The following RIC3 variants were observed in gnomAD, a reference collection of about 807,000 sequenced individuals.
RIC3 encodes RIC3 acetylcholine receptor chaperone.
Under a neutral mutation model 27.3 loss-of-function variants are expected in RIC3, and 28 were observed. The ratio of observed to expected loss-of-function variants is 1.02; its 90% confidence interval spans 0.76 to 1.41. The LOEUF (loss-of-function observed/expected upper bound fraction) is 1.41. Ranked by LOEUF, RIC3 falls within the 40% of genes most tolerant of loss-of-function variation. RIC3 has a pLI of 0.00. For synonymous variants in RIC3, 184 were observed against 160.4 expected (o/e 1.15, Z -1.11); for missense variants, 501 against 444.7 (o/e 1.13, Z -1.14).
In RIC3 at chr11:8,164,734, C is replaced by T. The variant is rs532513501; in HGVS notation, c.124+4132G>A. 3.5e-5 allele frequency among the ~76,000 whole-genome samples: 5 copies of T among 141,686 alleles called. No individual in the cohort carries two copies. In the South Asian group the frequency reaches 1.1e-3, roughly 32 times the overall value. The allele number at this position is 141,686 out of a possible 152,430, so 93.0% of individuals were successfully genotyped here. ...TTGGGGCTACAGTGAGCAATGATGG[C>T]ACCACTGTATTCCAGCCTGTGCACC... On this transcript the variant is annotated intron_variant, in intron 1 of 5. Coordinates refer to ENST00000309737, the MANE Select transcript of RIC3 (RefSeq NM_001206671.4).
At chr11:8,129,142 T>C (rs1478702041) in intron 4 of RIC3, among the ~76,000 whole-genome samples, 5 of 151,906 alleles carry the variant, frequency 3.3e-5, no homozygotes, top group Non-Finnish European at 5.9e-5. Flanking sequence ...CTCTATACCA[T>C]AGACCATCCT....
chr11:8,110,951 CT>C lies in RIC3; in HGVS notation c.856del (p.Arg286GlufsTer75). 1 of 1,614,174 alleles carries C rather than the reference CT, an allele frequency of 6.2e-7. No homozygotes were observed. The highest frequency in any genetic ancestry group is 8.5e-7 in the Non-Finnish European group (1 of 1,180,042). On this transcript the variant is annotated frameshift_variant, in exon 6 of 6. Transcript: ENST00000309737. LOFTEE classifies it low-confidence loss of function (END_TRUNC). ...GGTAACAGAATTATCTTCCTGGGCT[CT>C]GGGGTCAGTGGGCAGACTTTCCCAA... ...LGWESLPTDP[R>X]AQEDNSVTSC...
chr11:8,112,902 T>C (rs1945430690), intron 5 of RIC3, among the ~76,000 whole-genome samples: 1 of 152,242 alleles, frequency 6.6e-6, no homozygotes, highest in Non-Finnish European at 1.5e-5. Flanking sequence ...TCTATAAATA[T>C]GAAAACTAGA....
chr11:8,101,324 T>C (rs1944291867), downstream of RIC3, among the ~76,000 whole-genome samples: 1 of 152,212 alleles, frequency 6.6e-6, no homozygotes, highest in Admixed American at 6.5e-5. Context: ...TTCCTGCCAC[T>C]TCTCCCAATT....
intron 1 of RIC3, among the ~76,000 whole-genome samples, chr11:8,167,902 T>C (rs1951859755): frequency 6.6e-6 from 1 of 152,198 alleles, no homozygotes; most frequent in Non-Finnish European, 1.5e-5. Flanking sequence ...CCTCCACCCC[T>C]AAAGCTTGGT....
chr11:8,164,149 T>C (rs1456530872), intron 1 of RIC3, among the ~76,000 whole-genome samples: 1 of 152,106 alleles, frequency 6.6e-6, no homozygotes, highest in African/African-American at 2.4e-5. Flanking sequence ...CCACATGAAG[T>C]TGGACTCCTA....
At chr11:8,146,876 T>C (rs1949734686) in intron 1 of RIC3, among the ~76,000 whole-genome samples, 1 of 152,168 alleles carries the variant, frequency 6.6e-6, no homozygotes, top group South Asian at 2.1e-4. Context: ...ACCAGGTTTT[T>C]CAATTTTACT....
chr11:8,102,728 C>T (rs1944358434), downstream of RIC3: 1 of 152,066 alleles, frequency 6.6e-6, no homozygotes, highest in Non-Finnish European at 1.5e-5. Flanking sequence ...TTTAGAACCA[C>T]AAGAGATCAG....
In RIC3 at chr11:8,121,843, C is replaced by T. The variant is rs1027902276; in HGVS notation, c.670+4816G>A. On this transcript the variant is annotated intron_variant, in intron 5 of 5. Coordinates refer to ENST00000309737, the MANE Select transcript of RIC3 (RefSeq NM_001206671.4). The stretch of plus-strand genomic sequence containing the variant: ...AAGGTAAAAGTTTTATGTATTTAAG[C>T]TACACAATCTTTTCCCTTAGAATTT... Among the ~76,000 whole-genome samples, 8 of 152,222 alleles carry T rather than the reference C, an allele frequency of 5.3e-5. No homozygotes were observed. In the East Asian group the frequency reaches 1.5e-3, roughly 29 times the overall value.
intron 4 of RIC3, among the ~76,000 whole-genome samples, chr11:8,130,107 G>C (rs950828609): frequency 2.0e-5 from 3 of 152,088 alleles, no homozygotes; most frequent in African/African-American, 4.8e-5. Flanking sequence ...CTGGTTAGTA[G>C]TTTTCTTTTG....
intron 5 of RIC3, among the ~76,000 whole-genome samples, chr11:8,112,126 T>A (rs1372623780): frequency 6.6e-6 from 1 of 152,218 alleles, no homozygotes; most frequent in African/African-American, 2.4e-5. Flanking sequence ...TTTTTCTGAC[T>A]ATAAAAATCA....
chr11:8,116,475 A>G (rs1945874475), intron 5 of RIC3, among the ~76,000 whole-genome samples: 1 of 152,280 alleles, frequency 6.6e-6, no homozygotes, highest in African/African-American at 2.4e-5. Flanking sequence ...AACAACAGTA[A>G]AGAGACAATC....
Position 8,110,252 on chromosome 11 carries a change from C to A in RIC3, c.*446G>T. ...CTCTTCTCACCAGGGGACTACTAAC[C>A]TGCTCAAGGCCCAAAGAATAAGGGA... On this transcript the variant is annotated 3_prime_UTR_variant, in exon 6 of 6. Transcript: ENST00000309737. 1 of 285,954 alleles carries A rather than the reference C, an allele frequency of 3.5e-6. No homozygotes were observed. Among genetic ancestry groups the A allele is most frequent in the South Asian group, 3.8e-5 (1 of 26,228 alleles). The allele number at this position is 285,954 out of a possible 1,614,324, so 17.7% of individuals were successfully genotyped here.
intron 1 of RIC3, among the ~76,000 whole-genome samples, chr11:8,145,692 T>C (rs1410077617): frequency 2.6e-5 from 4 of 151,784 alleles, no homozygotes; most frequent in African/African-American, 9.7e-5. Flanking sequence ...TTGCATTTTT[T>C]TTTTCTCCAT....
chr11:8,117,350 C>A (rs974672461), intron 5 of RIC3, among the ~76,000 whole-genome samples: 2 of 152,230 alleles, frequency 1.3e-5, no homozygotes, highest in African/African-American at 4.8e-5. Flanking sequence ...CAGGCGTGAG[C>A]CACCATACCT....
intron 1 of RIC3, among the ~76,000 whole-genome samples, chr11:8,160,731 T>C (rs948460111): frequency 6.6e-6 from 1 of 152,260 alleles, no homozygotes; most frequent in Non-Finnish European, 1.5e-5. Flanking sequence ...TGCTCTTTCA[T>C]GAACTGTCTT....
At chr11:8,128,118 G>A (rs1285310863) in intron 4 of RIC3, 3 of 449,378 alleles carry the variant, frequency 6.7e-6, no homozygotes, top group African/African-American at 4.0e-5. Flanking sequence ...CAGGAGTCCT[G>A]ACTCTCCACA....
At chr11:8,145,737 A>T (rs1304009553) in intron 1 of RIC3, among the ~76,000 whole-genome samples, 3 of 152,172 alleles carry the variant, frequency 2.0e-5, no homozygotes, top group Non-Finnish European at 2.9e-5. Context: ...AACTACCAGA[A>T]AGGAATCTCA....
At chr11:8,158,196 C>A (rs1220536019) in intron 1 of RIC3, among the ~76,000 whole-genome samples, 1 of 152,056 alleles carries the variant, frequency 6.6e-6, no homozygotes, top group East Asian at 1.9e-4. Context: ...ATACATGTAT[C>A]TGTATATTTT....
Sources: allele counts gnomAD v4.1 joint callset (sites outside exome capture counted in the v4.1 genomes callset), GRCh38; gene constraint gnomAD v4.1.1; transcripts MANE v1.5; gene names NCBI Gene and HGNC (gene_info 2026-07-23, HGNC 2026-07-21).